SATB1: variants seen among roughly 807,000 people sequenced by gnomAD.
SATB1 encodes the protein DNA-binding protein SATB1.
SATB1 carries 11 observed loss-of-function variants against 86.9 expected under a neutral mutation model. The observed-to-expected ratio is 0.13, with a 90% CI of 0.08 to 0.21. The LOEUF (loss-of-function observed/expected upper bound fraction) is 0.21. Ranked by LOEUF, SATB1 falls within the 10% of genes least tolerant of loss-of-function variation. The probability of loss-of-function intolerance (pLI) is 1.00; values close to 1 mark genes in which losing one functional copy is unlikely to be tolerated. For synonymous variants in SATB1, 357 were observed against 357.2 expected (o/e 1.00, Z 0.01); for missense variants, 551 against 937.6 (o/e 0.59, Z 5.39).
At chr3:18,396,151 C>G (rs1696954046) in intron 6 of SATB1, among the ~76,000 whole-genome samples, 1 of 152,010 alleles carries the variant, frequency 6.6e-6, no homozygotes, top group Non-Finnish European at 1.5e-5. Context: ...AGCAATTATT[C>G]CAAAAATGAT....
At position 18,413,063 on chromosome 3, in the gene SATB1, C is replaced by G. The variant is rs893836832; in HGVS notation, c.639+2048G>C. Among the ~76,000 whole-genome samples, 3 of 152,074 alleles carry G rather than the reference C, an allele frequency of 2.0e-5. No homozygotes were observed. In the South Asian group the frequency reaches 6.2e-4, roughly 32 times the overall value. ...CTGATGTTGATATTGTAGCCTAGTT[C>G]CATCACTTAATGATTACAGTGAGGT... On this transcript the variant is annotated intron_variant, in intron 5 of 10. Coordinates refer to ENST00000338745, the MANE Select transcript of SATB1 (RefSeq NM_002971.6).
intron 5 of SATB1, among the ~76,000 whole-genome samples, chr3:18,406,978 A>G (rs573039695): frequency 1.6e-4 from 24 of 152,190 alleles, no homozygotes; most frequent in African/African-American, 5.5e-4. Context: ...AGTGATGAAT[A>G]CAACTTAGTT....
intron 9 of SATB1, among the ~76,000 whole-genome samples, chr3:18,362,503 T>G (rs1383235740): frequency 6.6e-6 from 1 of 152,070 alleles, no homozygotes; most frequent in Non-Finnish European, 1.5e-5. Context: ...AGGGCTCATG[T>G]ATAGTAGCAA....
In SATB1 at chr3:18,378,750, T is replaced by C. The variant is rs137883376; in HGVS notation, c.1420-425A>G. Among the ~76,000 whole-genome samples, 8 of 152,340 alleles carry C rather than the reference T, an allele frequency of 5.3e-5. No homozygotes were observed. In the South Asian group the frequency reaches 8.3e-4, roughly 16 times the overall value. ...GCCTAATAGACAATTGAATCACTAA[T>C]AGCTATTACATACTATGGCCTTTTT... On this transcript the variant is annotated intron_variant, in intron 8 of 10. Transcript: ENST00000338745.
Position 18,420,859 on chromosome 3 carries a change from C to T in SATB1, c.109G>A (p.Gly37Arg), listed in dbSNP as rs754609191. ...PAKIARLEQN[G>R]SPLGRGRLGS... is the part of the protein sequence containing the mutation. ...AGCCTTCCTCTTCCTAGCGGGCTCC[C>T]GTTCTGCTCCAGGCGGGCAATCTTG... Residue 37 changes from glycine (G) to arginine (R), a missense_variant, in exon 2 of 11, where the codon GGG becomes AGG. Coordinates refer to ENST00000338745, the MANE Select transcript of SATB1 (RefSeq NM_002971.6). 1.9e-6 allele frequency: 3 copies of T among 1,614,180 alleles called. No individual in the cohort carries two copies. Among genetic ancestry groups the T allele is most frequent in the South Asian group, 1.1e-5 (1 of 91,082 alleles).
chr3:18,417,195 G>GC (rs1645377710), intron 2 of SATB1, 117 bp from the exon 3 acceptor site: 10 of 1,003,554 alleles, frequency 1.0e-5, no homozygotes, highest in Non-Finnish European at 1.5e-5. Context: ...GATTCACTGT[G>GC]CTTCCAAGGC....
chr3:18,385,699 A>G lies in SATB1; in HGVS notation c.1419+700T>C, dbSNP rs140802434. Among the ~76,000 whole-genome samples, 39 of 152,240 alleles carry G rather than the reference A, an allele frequency of 2.6e-4. No individual in the cohort carries two copies. In the East Asian group the frequency reaches 6.0e-3, roughly 23 times the overall value. On this transcript the variant is annotated intron_variant, in intron 8 of 10. Coordinates refer to ENST00000338745, the MANE Select transcript of SATB1 (RefSeq NM_002971.6). ...TACACTAACTAGCAAACTTTTATCT[A>G]AGGGTTTGTAATGCAAATTGATTTA...
chr3:18,403,195 A>T (rs1443747492), intron 5 of SATB1, among the ~76,000 whole-genome samples: 1 of 152,106 alleles, frequency 6.6e-6, no homozygotes, highest in African/African-American at 2.4e-5. Flanking sequence ...GATGTCAAAA[A>T]CTGTTTACAC....
chr3:18,437,633 G>C (rs1158888885), intron 1 of SATB1, among the ~76,000 whole-genome samples: 1 of 152,054 alleles, frequency 6.6e-6, no homozygotes, highest in Non-Finnish European at 1.5e-5. Flanking sequence ...TTAAGATAAT[G>C]TTCTAAATTG....
Position 18,349,991 on chromosome 3 carries a change from C to T in SATB1, c.1780-309G>A, listed in dbSNP as rs780530971. On this transcript the variant is annotated intron_variant, in intron 10 of 10. Transcript: ENST00000338745. The surrounding 1 kb of genome is among the most constrained non-coding windows in gnomAD (Gnocchi z 5.5). ...AGCCATAAAATTCACTAGAATGATA[C>T]GCATCAAAGGCGAAGACAGCACATC... is the stretch of plus-strand genomic sequence containing the variant. The T allele has an allele frequency of 5.3e-5, 20 of 374,022 alleles. No homozygotes were observed. The highest frequency in any genetic ancestry group is 8.3e-5 in the Admixed American group (2 of 23,956). The allele number at this position is 374,022 out of a possible 1,614,324, so 23.2% of individuals were successfully genotyped here. A position where few individuals can be genotyped will look rare whatever the true frequency, so the allele number is the denominator to read the frequency against.
chr3:18,431,981 T>C (rs1458002827), intron 2 of SATB1, among the ~76,000 whole-genome samples: 5 of 152,204 alleles, frequency 3.3e-5, no homozygotes, highest in Admixed American at 1.3e-4. Flanking sequence ...CACAAAATTA[T>C]ACATGGAAGT....
intron 5 of SATB1, chr3:18,409,516 T>C (rs1697721999): frequency 6.6e-6 from 1 of 152,044 alleles, no homozygotes; most frequent in Non-Finnish European, 1.5e-5. Flanking sequence ...GTTTTGCAAT[T>C]CACACAACTA....
chr3:18,365,901 C>T (rs1695161420), intron 9 of SATB1, among the ~76,000 whole-genome samples: 1 of 152,156 alleles, frequency 6.6e-6, no homozygotes, highest in African/African-American at 2.4e-5. Flanking sequence ...AAATTAATTG[C>T]AAGCCAGGAA....
upstream of SATB1, among the ~76,000 whole-genome samples, chr3:18,441,093 A>C (rs1170393227): frequency 6.6e-6 from 1 of 152,214 alleles, no homozygotes; most frequent in Non-Finnish European, 1.5e-5. Flanking sequence ...TAAACCATTC[A>C]TAAAAATCAA....
chr3:18,396,174 T>C (rs902999338), intron 6 of SATB1, among the ~76,000 whole-genome samples: 3 of 152,178 alleles, frequency 2.0e-5, no homozygotes, highest in African/African-American at 7.2e-5. Flanking sequence ...ATTGTCTTCA[T>C]TACAGCCTTA....
chr3:18,365,802 G>A (rs1695156214), intron 9 of SATB1, among the ~76,000 whole-genome samples: 1 of 152,132 alleles, frequency 6.6e-6, no homozygotes, highest in Non-Finnish European at 1.5e-5. Context: ...CAGGGTCCAA[G>A]CTATTTAGTC....
At chr3:18,390,459 ATC>A (rs1696599144) in intron 7 of SATB1, among the ~76,000 whole-genome samples, 1 of 152,192 alleles carries the variant, frequency 6.6e-6, no homozygotes, top group Admixed American at 6.5e-5. Context: ...AGACACATTT[ATC>A]TCTGTCGTTT....
intron 2 of SATB1, among the ~76,000 whole-genome samples, chr3:18,432,865 A>G (rs1575184871): frequency 6.6e-6 from 1 of 152,114 alleles, no homozygotes; most frequent in Non-Finnish European, 1.5e-5. Context: ...CAGATATATA[A>G]TACCAGGAAA....
In SATB1 at chr3:18,444,510, G is replaced by A. The variant is rs371237477; in HGVS notation, c.-25+1008C>T. 11 of 889,288 alleles carry A rather than the reference G, an allele frequency of 1.2e-5. No individual in the cohort carries two copies. The Admixed American group carries it at 4.3e-4, about 35-fold the overall frequency. 55.1% of individuals were successfully genotyped at this position (889,288 alleles called of 1,614,324 possible). On this transcript the variant is annotated intron_variant, in intron 1 of 3. Transcript: ENST00000415069. The surrounding 1 kb of genome is among the most constrained non-coding windows in gnomAD (Gnocchi z 5.1). ...CCCCAATAGGGGACGAGGAGTGGGT[G>A]CTACGGAGAAGTTTGGATTGATTCC...
Sources: gnomAD v4.1 joint callset for allele counts (sites outside exome capture counted in the v4.1 genomes callset) on GRCh38, gnomAD v4.1.1 for gene constraint, Gnocchi (gnomAD v3.1) non-coding constraint, MANE v1.5 for transcripts, NCBI Gene and HGNC (gene_info 2026-07-23, HGNC 2026-07-21) for gene names.